KLHL1: variants seen among roughly 807,000 people sequenced by gnomAD.
The protein encoded by KLHL1 is kelch like family member 1, also known as kelch-like protein 1.
Under a neutral mutation model 77.7 loss-of-function variants are expected in KLHL1, and 47 were observed. The ratio of observed to expected loss-of-function variants is 0.60; its 90% CI spans 0.48 to 0.77. The LOEUF is 0.77. Among genes scored for constraint, KLHL1 ranks in the 30% least tolerant of loss-of-function variants. The pLI is 0.00. For synonymous variants in KLHL1, 360 were observed against 325.2 expected (o/e 1.11, Z -1.15); for missense variants, 925 against 910.8 (o/e 1.02, Z -0.20).
chr13:70,082,157 G>A (rs1157451327), intron 1 of KLHL1, among the ~76,000 whole-genome samples: 2 of 152,010 alleles, frequency 1.3e-5, no homozygotes, highest in South Asian at 2.1e-4. Context: ...GAGCTCCCTG[G>A]CCATGGCTCC....
intron 7 of KLHL1, 125 bp from the exon 8 acceptor site, chr13:69,740,681 A>G (rs551764122): frequency 8.7e-6 from 5 of 577,524 alleles, no homozygotes; most frequent in Non-Finnish European, 1.4e-5. Flanking sequence ...AAAAATTAAA[A>G]ATTGAATAGA....
intron 5 of KLHL1, among the ~76,000 whole-genome samples, chr13:69,875,655 A>C (rs1880736077): frequency 6.6e-6 from 1 of 152,140 alleles, no homozygotes; most frequent in African/African-American, 2.4e-5. Flanking sequence ...GCTGACTTAA[A>C]GCTTGCTAAC....
intron 4 of KLHL1, among the ~76,000 whole-genome samples, chr13:69,901,112 C>A (rs1378650844): frequency 6.6e-6 from 1 of 152,038 alleles, no homozygotes; most frequent in African/African-American, 2.4e-5. Context: ...ACTGTACATG[C>A]AAATAGATAG....
At chr13:69,845,466 T>C (rs1879422407) in intron 5 of KLHL1, among the ~76,000 whole-genome samples, 1 of 151,600 alleles carries the variant, frequency 6.6e-6, no homozygotes, top group East Asian at 1.9e-4. Flanking sequence ...ATTTATATTA[T>C]GCAAAAAATT....
rs2501234 is a variant in KLHL1, at chr13:69,998,384, C to T, written c.498-22582G>A. Among the ~76,000 whole-genome samples, 1,505 of 152,094 alleles carry T rather than the reference C, an allele frequency of 9.9e-3. 24 individuals are homozygous for T. Among genetic ancestry groups the T allele is most frequent in the African/African-American group, 0.034 (1,418 of 41,514 alleles). On this transcript the variant is annotated intron_variant, in intron 1 of 10. Coordinates refer to ENST00000377844, the MANE Select transcript of KLHL1 (RefSeq NM_020866.3). ...ATTGTGTGGGAGCACAATTATACTT[C>T]AACTTCCAATAAACATTGTCTGAGA...
chr13:69,875,979 T>C (rs988536115), intron 5 of KLHL1, among the ~76,000 whole-genome samples: 1 of 152,264 alleles, frequency 6.6e-6, no homozygotes, highest in African/African-American at 2.4e-5. Context: ...ATTGAAAAAG[T>C]AACAATGATT....
intron 5 of KLHL1, among the ~76,000 whole-genome samples, chr13:69,876,622 A>C (rs1880772644): frequency 6.6e-6 from 1 of 152,216 alleles, no homozygotes; most frequent in African/African-American, 2.4e-5. Context: ...GCTACAGAAA[A>C]TAAATGTACA....
At chr13:69,925,026 C>T (rs1201936165) in intron 4 of KLHL1, among the ~76,000 whole-genome samples, 2 of 152,184 alleles carry the variant, frequency 1.3e-5, no homozygotes, top group African/African-American at 2.4e-5. Flanking sequence ...ACTCTGCTTT[C>T]CCTTGGCAGG....
At position 69,890,219 on chromosome 13, in the gene KLHL1, T is replaced by C. The variant is rs1052713655; in HGVS notation, c.1015-7724A>G. Among the ~76,000 whole-genome samples, 9 of 120,880 alleles carry C rather than the reference T, an allele frequency of 7.4e-5. No individual in the cohort carries two copies. The Admixed American group carries it at 8.8e-4, about 12-fold the overall frequency. 79.3% of individuals were successfully genotyped at this position (120,880 alleles called of 152,430 possible). A position where few individuals can be genotyped will look rare whatever the true frequency, so the allele number is the denominator to read the frequency against. ...AAGAGACCAGACTACATTTTTCTCC[T>C]TTCTGCAATAACAATTTCCAAAAAA... is the stretch of plus-strand genomic sequence containing the variant. On this transcript the variant is annotated intron_variant, in intron 4 of 10. Coordinates refer to ENST00000377844, the MANE Select transcript of KLHL1 (RefSeq NM_020866.3).
chr13:69,783,428 C>A (rs111238126), intron 7 of KLHL1, among the ~76,000 whole-genome samples: 1 of 151,872 alleles, frequency 6.6e-6, no homozygotes, highest in Non-Finnish European at 1.5e-5. Context: ...ATACTGTGAA[C>A]AAAAAATTAG....
At chr13:69,772,267 T>G (rs1043261700) in intron 7 of KLHL1, among the ~76,000 whole-genome samples, 2 of 151,934 alleles carry the variant, frequency 1.3e-5, no homozygotes, top group Non-Finnish European at 2.9e-5. Context: ...ATGTACATAT[T>G]TTATTTATAA....
intron 5 of KLHL1, among the ~76,000 whole-genome samples, chr13:69,868,304 A>G (rs1227022276): frequency 1.3e-5 from 2 of 152,114 alleles, no homozygotes; most frequent in African/African-American, 4.8e-5. Context: ...TACACAACAT[A>G]TATTTAAAAG....
At chr13:70,097,616 C>G (rs897912549) in intron 1 of KLHL1, among the ~76,000 whole-genome samples, 2 of 151,904 alleles carry the variant, frequency 1.3e-5, no homozygotes, top group African/African-American at 2.4e-5. Flanking sequence ...GAGTTTTATT[C>G]AGAGTATAAG....
At chr13:70,065,726 C>A (rs1446198733) in intron 1 of KLHL1, among the ~76,000 whole-genome samples, 3 of 152,060 alleles carry the variant, frequency 2.0e-5, no homozygotes, top group Non-Finnish European at 4.4e-5. Flanking sequence ...CTGTCCAAAC[C>A]AGAACATTTG....
At chr13:69,989,700 G>T (rs768902967) in intron 1 of KLHL1, among the ~76,000 whole-genome samples, 11 of 151,994 alleles carry the variant, frequency 7.2e-5, no homozygotes, top group Admixed American at 5.3e-4. Context: ...GTATTTCTAG[G>T]TATTTTATTT....
At chr13:70,084,622 CTTTTTTTTTTTTTTT>C (rs71116988) in intron 1 of KLHL1, among the ~76,000 whole-genome samples, 1 of 14,956 alleles carries the variant, frequency 6.7e-5, no homozygotes, top group Non-Finnish European at 1.0e-4. Flanking sequence ...CCACGCCAGG[CTTTTTTTTTTTTTTT>C]TTTTTTTTTT....
intron 7 of KLHL1, among the ~76,000 whole-genome samples, chr13:69,743,595 G>A (rs1242661150): frequency 6.6e-6 from 1 of 152,016 alleles, no homozygotes; most frequent in Non-Finnish European, 1.5e-5. Context: ...GACCAGCCTG[G>A]CCAACAAGGC....
chr13:69,994,250 T>C (rs1885094098), intron 1 of KLHL1, among the ~76,000 whole-genome samples: 1 of 152,102 alleles, frequency 6.6e-6, no homozygotes, highest in Non-Finnish European at 1.5e-5. Flanking sequence ...ATGCTATTAA[T>C]GAGGCCTGGT....
chr13:69,926,887 C>T (rs1882832172), intron 4 of KLHL1, among the ~76,000 whole-genome samples: 1 of 123,476 alleles, frequency 8.1e-6, no homozygotes, highest in African/African-American at 3.1e-5. Flanking sequence ...GCAGAGCTTG[C>T]AGTGAGCTAA....
Sources: gnomAD v4.1 joint callset for allele counts (sites outside exome capture counted in the v4.1 genomes callset) on GRCh38, gnomAD v4.1.1 for gene constraint, MANE v1.5 for transcripts, NCBI Gene and HGNC (gene_info 2026-07-23, HGNC 2026-07-21) for gene names.